The following CPA4 variants were observed in gnomAD, a reference collection of about 807,000 sequenced individuals.
CPA4 encodes the protein carboxypeptidase A3.
A neutral mutation model predicts 54.7 loss-of-function variants in CPA4; 49 were observed. The observed-to-expected ratio is 0.90, with a 90% CI of 0.71 to 1.14. The LOEUF (loss-of-function observed/expected upper bound fraction) is 1.14, where lower values mean the gene tolerates loss of function less well. Among genes scored for constraint, CPA4 ranks in the 50% most tolerant of loss-of-function variants. The pLI, the probability that CPA4 is intolerant of heterozygous loss-of-function variation, is 0.00. For missense variants in CPA4, 487 were observed against 525.1 expected (o/e 0.93, Z 0.71); for synonymous variants, 215 against 206.8 (o/e 1.04, Z -0.34).
chr7:130,302,907 T>C (rs771603600), intron 4 of CPA4, among the ~76,000 whole-genome samples: 19 of 152,196 alleles, frequency 1.2e-4, no homozygotes, highest in Non-Finnish European at 1.6e-4. Context: ...GATGGGGCTC[T>C]GTGGCATCAT....
chr7:130,314,215 G>A (rs1793955517), intron 10 of CPA4, among the ~76,000 whole-genome samples: 1 of 152,210 alleles, frequency 6.6e-6, no homozygotes, highest in African/African-American at 2.4e-5. Context: ...GCACTGGTTA[G>A]GTGTTAAGGA....
intron 1 of CPA4, among the ~76,000 whole-genome samples, chr7:130,295,587 T>C (rs1326259437): frequency 1.3e-5 from 2 of 152,184 alleles, no homozygotes; most frequent in African/African-American, 4.8e-5. Context: ...ATTTTTCAAA[T>C]ACAGACAAGG....
intron 4 of CPA4, 83 bp downstream of exon 4, chr7:130,300,997 A>G (rs375183020): frequency 9.5e-6 from 8 of 837,880 alleles, no homozygotes; most frequent in East Asian, 7.8e-5. Flanking sequence ...AGGAGACATT[A>G]GTCTTCAGCA....
chr7:130,314,328 C>T (rs1793956867), intron 10 of CPA4, among the ~76,000 whole-genome samples: 1 of 152,114 alleles, frequency 6.6e-6, no homozygotes, highest in Non-Finnish European at 1.5e-5. Flanking sequence ...GGCCTTGGGG[C>T]TTGAGGTGTT....
intron 10 of CPA4, among the ~76,000 whole-genome samples, chr7:130,319,769 T>G (rs796243380): frequency 3.9e-5 from 6 of 152,360 alleles, no homozygotes; most frequent in African/African-American, 1.4e-4. Context: ...CTCAGAAGAA[T>G]AGATGAAGTC....
chr7:130,304,476 A>G lies in CPA4; in HGVS notation c.385-2A>G, dbSNP rs1793786818. On this transcript the variant is annotated splice_acceptor_variant, in intron 4 of 10. Transcript: ENST00000222482. LOFTEE classifies it high-confidence loss of function. ...CCCTGGATTCACTCTTTCATGCTTC[A>G]GATTTACCACGAGATGGACAACATT... 2.5e-6 allele frequency: 4 copies of G among 1,584,380 alleles called. No homozygotes were observed. Among genetic ancestry groups the G allele is most frequent in the Non-Finnish European group, 3.5e-6 (4 of 1,152,914 alleles).
At chr7:130,294,749 C>T (rs538862718) in intron 1 of CPA4, among the ~76,000 whole-genome samples, 1 of 152,234 alleles carries the variant, frequency 6.6e-6, no homozygotes, top group African/African-American at 2.4e-5. Context: ...AATCCATTCT[C>T]ACGCCATAGT....
chr7:130,304,806 A>C (rs753178299), intron 5 of CPA4, among the ~76,000 whole-genome samples: 6 of 152,346 alleles, frequency 3.9e-5, no homozygotes, highest in Admixed American at 6.5e-5. Context: ...GCTGAAAGAC[A>C]GGATCAAAGG....
intron 10 of CPA4, among the ~76,000 whole-genome samples, chr7:130,318,700 A>T (rs1489069322): frequency 3.3e-5 from 5 of 152,260 alleles, no homozygotes; most frequent in South Asian, 4.1e-4. Context: ...CGTGAGCCAC[A>T]GCACCCGGCC....
At chr7:130,315,117 T>A (rs1793969922) in intron 10 of CPA4, among the ~76,000 whole-genome samples, 1 of 151,340 alleles carries the variant, frequency 6.6e-6, no homozygotes, top group Admixed American at 6.6e-5. Context: ...AGGGGGGGAA[T>A]TGGGGGTAGG....
At position 130,298,839 on chromosome 7, in the gene CPA4, T is replaced by G; in HGVS notation, c.150+12T>G. The G allele has an allele frequency of 6.6e-7, 1 of 1,516,812 alleles. No homozygotes were observed. The allele number at this position is 1,516,812 out of a possible 1,614,324, so 94.0% of individuals were successfully genotyped here. A position where few individuals can be genotyped will look rare whatever the true frequency, so the allele number is the denominator to read the frequency against. On this transcript the variant is annotated intron_variant, in intron 2 of 10. Transcript: ENST00000222482. ...CAAACAACTTGAAGGTACCTGGTTC[T>G]TTTTAGCTCTCCTGAGTGTTTTCTA...
At chr7:130,317,492 T>C (rs1794007385) in intron 10 of CPA4, among the ~76,000 whole-genome samples, 1 of 152,196 alleles carries the variant, frequency 6.6e-6, no homozygotes, top group Non-Finnish European at 1.5e-5. Flanking sequence ...AGACAGGGTC[T>C]CACTCTCTGG....
chr7:130,310,726 T>A lies in CPA4; in HGVS notation c.794-61T>A. 1 of 1,506,850 alleles carries A rather than the reference T, an allele frequency of 6.6e-7. No individual in the cohort carries two copies. The highest frequency in any genetic ancestry group is 9.2e-7 in the Non-Finnish European group (1 of 1,083,618). 93.3% of individuals were successfully genotyped at this position (1,506,850 alleles called of 1,614,324 possible). On this transcript the variant is annotated intron_variant, in intron 8 of 10. Transcript: ENST00000222482. The surrounding 1 kb of genome is among the most constrained non-coding windows in gnomAD (Gnocchi z 4.3). The stretch of plus-strand genomic sequence containing the variant: ...CTTCGGCCCCTCTCTAGGTGGAGCG[T>A]CTTGCATTTCTGTGTTCTTGGACTA...
intron 8 of CPA4, 86 bp downstream of exon 8, chr7:130,308,483 G>A (rs1014216356): frequency 1.3e-4 from 142 of 1,075,456 alleles, no homozygotes; most frequent in Non-Finnish European, 1.7e-4. Flanking sequence ...GGGACGGAGC[G>A]CGTTTCCACT....
chr7:130,306,764 A>G, intron 6 of CPA4, 23 bp from the exon 7 acceptor site: 1 of 1,366,404 alleles, frequency 7.3e-7, no homozygotes. Context: ...GGGATAGCTG[A>G]CAAGCATATT....
At chr7:130,317,197 C>T (rs897879550) in intron 10 of CPA4, among the ~76,000 whole-genome samples, 7 of 152,170 alleles carry the variant, frequency 4.6e-5, no homozygotes, top group African/African-American at 1.7e-4. Context: ...TTGTACCTTT[C>T]GTATGTTTAG....
intron 10 of CPA4, among the ~76,000 whole-genome samples, chr7:130,312,523 G>A (rs1351568417): frequency 3.3e-5 from 5 of 152,212 alleles, no homozygotes; most frequent in Non-Finnish European, 7.3e-5. Context: ...TGTTGTGGGA[G>A]GGACCTGGTG....
chr7:130,303,614 G>C (rs1252631226), intron 4 of CPA4, among the ~76,000 whole-genome samples: 1 of 152,032 alleles, frequency 6.6e-6, no homozygotes, highest in South Asian at 2.1e-4. Flanking sequence ...TGTTTTAAGA[G>C]CCTTGGAGCT....
chr7:130,315,126 G>A lies in CPA4; in HGVS notation c.1078+3004G>A, dbSNP rs565896750. Among the ~76,000 whole-genome samples, 145 of 152,140 alleles carry A rather than the reference G, an allele frequency of 9.5e-4. 2 individuals carry two copies. Among genetic ancestry groups the A allele is most frequent in the African/African-American group, 3.4e-3 (143 of 41,500 alleles). On this transcript the variant is annotated intron_variant, in intron 10 of 10. Coordinates refer to ENST00000222482, the MANE Select transcript of CPA4 (RefSeq NM_016352.4). ...GGTGTGAGGGGGGGAATTGGGGGTA[G>A]GACTGGGATCCCAGTCCTGGTGTAG...
Sources: gnomAD v4.1 joint callset for allele counts (sites outside exome capture counted in the v4.1 genomes callset) on GRCh38, gnomAD v4.1.1 for gene constraint, Gnocchi (gnomAD v3.1) non-coding constraint, MANE v1.5 for transcripts, NCBI Gene and HGNC (gene_info 2026-07-23, HGNC 2026-07-21) for gene names.